The following SLC44A5 variants were observed in gnomAD, a reference collection of about 807,000 sequenced individuals.
The protein encoded by SLC44A5 is choline transporter-like protein 5.
SLC44A5 carries 57 observed loss-of-function variants against 101.8 expected under a neutral mutation model. The observed-to-expected ratio is 0.56, with a 90% CI of 0.45 to 0.70. SLC44A5 has a LOEUF of 0.70. Among genes scored for constraint, SLC44A5 ranks in the 30% least tolerant of loss-of-function variants. SLC44A5 has a pLI of 0.00. For synonymous variants in SLC44A5, 281 were observed against 290.9 expected (o/e 0.97, Z 0.35); for missense variants, 737 against 853.1 (o/e 0.86, Z 1.70).
the SLC44A5 span, among the ~76,000 whole-genome samples, chr1:75,657,298 C>T: frequency 6.6e-6 from 1 of 151,900 alleles, no homozygotes; most frequent in Admixed American, 6.6e-5. Flanking sequence ...CATGTAATAC[C>T]AGCACTTTTG....
chr1:75,414,484 A>G (rs932503056), intron 2 of SLC44A5, among the ~76,000 whole-genome samples: 2 of 152,220 alleles, frequency 1.3e-5, no homozygotes, highest in Admixed American at 6.5e-5. Context: ...AGTTAGTAAG[A>G]AATAAGAGAG....
At chr1:75,218,244 T>C (rs1399283907) in intron 17 of SLC44A5, among the ~76,000 whole-genome samples, 1 of 152,130 alleles carries the variant, frequency 6.6e-6, no homozygotes, top group African/African-American at 2.4e-5. Flanking sequence ...CCTTGATCTT[T>C]CATTTGGTAT....
At chr1:75,500,421 G>C (rs1337148468) in intron 2 of SLC44A5, among the ~76,000 whole-genome samples, 1 of 151,994 alleles carries the variant, frequency 6.6e-6, no homozygotes. Context: ...ATAAACAAAA[G>C]TAATATTTAC....
At chr1:75,390,630 A>T (rs913116624) in intron 3 of SLC44A5, among the ~76,000 whole-genome samples, 2 of 152,160 alleles carry the variant, frequency 1.3e-5, no homozygotes, top group African/African-American at 4.8e-5. Flanking sequence ...CTTCATAATA[A>T]AAACTCTCAG....
chr1:75,269,070 C>A (rs920187638), intron 6 of SLC44A5, among the ~76,000 whole-genome samples: 1 of 152,010 alleles, frequency 6.6e-6, no homozygotes, highest in East Asian at 1.9e-4. Context: ...GAAAATGAGG[C>A]GATTTTTTCT....
At chr1:75,461,143 T>C (rs946302500) in intron 2 of SLC44A5, among the ~76,000 whole-genome samples, 2 of 152,186 alleles carry the variant, frequency 1.3e-5, no homozygotes, top group Non-Finnish European at 2.9e-5. Flanking sequence ...AAAGATTATA[T>C]AGCAACACAA....
At chr1:75,674,664 G>A in the SLC44A5 span, among the ~76,000 whole-genome samples, 6 of 152,064 alleles carry the variant, frequency 3.9e-5, no homozygotes, top group Non-Finnish European at 7.4e-5. Context: ...TTACAGGCAT[G>A]AGCCACCTCA....
chr1:75,442,708 CTT>C (rs1366048531), intron 2 of SLC44A5, among the ~76,000 whole-genome samples: 1 of 152,134 alleles, frequency 6.6e-6, no homozygotes, highest in Non-Finnish European at 1.5e-5. Context: ...AGCGAAGACT[CTT>C]TCACTTACTG....
the SLC44A5 span, among the ~76,000 whole-genome samples, chr1:75,652,124 G>A: frequency 3.3e-5 from 5 of 152,238 alleles, no homozygotes; most frequent in East Asian, 1.9e-4. Context: ...AAGTGAGCAC[G>A]TGCACAATTT....
rs377363277 is a variant in SLC44A5, at chr1:75,373,335, G to A, written c.52+23248C>T. Among the ~76,000 whole-genome samples, 43 of 152,146 alleles carry A rather than the reference G, an allele frequency of 2.8e-4. No homozygotes were observed. The South Asian group carries it at 8.7e-3, about 31-fold the overall frequency. ...CAAGACCAGCTCCTGGCCCTCAACA[G>A]GTCCTAAGGAAGGGGTGAGTAAAGG... On this transcript the variant is annotated intron_variant, in intron 3 of 23. Coordinates refer to ENST00000370859, the MANE Select transcript of SLC44A5 (RefSeq NM_001130058.2).
chr1:75,670,543 A>G, the SLC44A5 span, among the ~76,000 whole-genome samples: 930 of 152,340 alleles, frequency 6.1e-3, 5 homozygotes, highest in South Asian at 9.9e-3. Context: ...TTATATAAAT[A>G]TGCTTAATAA....
At chr1:75,263,064 G>A (rs145445094) in intron 6 of SLC44A5, among the ~76,000 whole-genome samples, 83 of 152,272 alleles carry the variant, frequency 5.5e-4, no homozygotes, top group Non-Finnish European at 9.1e-4. Flanking sequence ...TTAGGACATA[G>A]GCATAGGCAA....
intron 1 of SLC44A5, among the ~76,000 whole-genome samples, chr1:75,607,393 C>T (rs1675382770): frequency 6.6e-6 from 1 of 152,038 alleles, no homozygotes; most frequent in Non-Finnish European, 1.5e-5. Flanking sequence ...ATGCCACTAT[C>T]ATCTCTCAAC....
intron 2 of SLC44A5, among the ~76,000 whole-genome samples, chr1:75,513,075 C>T (rs1420210244): frequency 6.6e-6 from 1 of 152,152 alleles, no homozygotes; most frequent in Non-Finnish European, 1.5e-5. Context: ...TGCTCAATGT[C>T]ATATGGTTAG....
Position 75,203,815 on chromosome 1 carries a change from T to C in SLC44A5, c.2066A>G (p.Asn689Ser), listed in dbSNP as rs1358836962. 6.5e-7 allele frequency: 1 copy of C among 1,548,796 alleles called. No individual in the cohort carries two copies. The highest frequency in any genetic ancestry group is 2.5e-5 in the East Asian group (1 of 40,732). ...ATAAGGTCTTGCAGTAGAACCATCA[T>C]TTCTTTCTAAATCTTCCACTAGGAG... ...FICFLEDLERNDGSTARPYYV... is the reference protein window; with the variant it reads ...FICFLEDLERSDGSTARPYYV... Residue 689 changes from asparagine to serine, a missense_variant, in exon 24 of 24, where the codon AAT (asparagine) becomes AGT (serine). Physicochemically the swap from Asn to Ser is conservative, Grantham distance 46. Coordinates refer to ENST00000370859, the MANE Select transcript of SLC44A5 (RefSeq NM_001130058.2).
At chr1:75,603,357 C>CTTTTT (rs34089097) in intron 1 of SLC44A5, among the ~76,000 whole-genome samples, 4 of 147,188 alleles carry the variant, frequency 2.7e-5, no homozygotes, top group African/African-American at 7.5e-5. Context: ...GTATTTGTAC[C>CTTTTT]TTTTTTTTTT....
intron 2 of SLC44A5, among the ~76,000 whole-genome samples, chr1:75,479,572 A>G (rs1363122643): frequency 6.6e-6 from 1 of 152,276 alleles, no homozygotes; most frequent in Non-Finnish European, 1.5e-5. Flanking sequence ...AGGGGATATC[A>G]CCACTGATCC....
At position 75,542,482 on chromosome 1, in the gene SLC44A5, A is replaced by AT. The variant is rs760401811; in HGVS notation, c.-69-967dup. Reference sequence around the variant, plus strand: ...CATACTGTTGGATATTGAGATTGTGATTTTTTCTATTATTAAAAACTCTCA... The same window carrying AT: ...CATACTGTTGGATATTGAGATTGTGATTTTTTTCTATTATTAAAAACTCTCA... On this transcript the variant is annotated intron_variant, in intron 1 of 23. Transcript: ENST00000370859. Among the ~76,000 whole-genome samples, 21 of 152,042 alleles carry AT rather than the reference A, an allele frequency of 1.4e-4. No homozygotes were observed. In the South Asian group the frequency reaches 1.7e-3, roughly 12 times the overall value.
chr1:75,206,509 A>G, intron 23 of SLC44A5: 1 of 823,186 alleles, frequency 1.2e-6, no homozygotes, highest in East Asian at 2.5e-5. Flanking sequence ...AATTAAGCAC[A>G]GAAATTTCAC....
Sources: gnomAD v4.1 joint callset for allele counts (sites outside exome capture counted in the v4.1 genomes callset) on GRCh38, gnomAD v4.1.1 for gene constraint, MANE v1.5 for transcripts, NCBI Gene and HGNC (gene_info 2026-07-23, HGNC 2026-07-21) for gene names.